The following HIVEP1 variants were observed in gnomAD, a reference collection of about 807,000 sequenced individuals.
HIVEP1 encodes HIVEP zinc finger 1.
HIVEP1 carries 36 observed loss-of-function variants against 180.0 expected under a neutral mutation model. That is an observed-to-expected ratio of 0.20 (90% CI 0.15 to 0.26). The LOEUF (loss-of-function observed/expected upper bound fraction) is 0.26. HIVEP1 is among the 10% of genes least tolerant of loss of function. HIVEP1 has a pLI of 1.00. For missense variants in HIVEP1, 3,143 were observed against 3,268.7 expected (o/e 0.96, Z 0.94); for synonymous variants, 1,239 against 1,239.0 (o/e 1.00, Z 0.00).
chr6:12,209,818 G>A, the HIVEP1 span, among the ~76,000 whole-genome samples: 3,884 of 152,240 alleles, frequency 0.026, 174 homozygotes, highest in African/African-American at 0.088. Flanking sequence ...ATATTCCTGT[G>A]TGGTTAAAAA....
chr6:12,160,933 C>T (rs552974807), intron 7 of HIVEP1, among the ~76,000 whole-genome samples: 1 of 152,184 alleles, frequency 6.6e-6, no homozygotes, highest in African/African-American at 2.4e-5. Context: ...TTTCTTTCCT[C>T]ATCTATAATA....
chr6:12,209,867 G>A, the HIVEP1 span, among the ~76,000 whole-genome samples: 1 of 152,210 alleles, frequency 6.6e-6, no homozygotes, highest in Admixed American at 6.5e-5. Flanking sequence ...TATTGTGGGA[G>A]TGAAGGAACT....
At chr6:12,154,896 TTGGCTAG>T (rs1759931470) in intron 7 of HIVEP1, among the ~76,000 whole-genome samples, 1 of 152,092 alleles carries the variant, frequency 6.6e-6, no homozygotes, top group Non-Finnish European at 1.5e-5. Context: ...TCTCTCTTTC[TTGGCTAG>T]TGTTACCAGA....
upstream of HIVEP1, among the ~76,000 whole-genome samples, chr6:12,009,430 G>A (rs2113531960): frequency 6.6e-6 from 1 of 152,362 alleles, no homozygotes; most frequent in East Asian, 1.9e-4. Context: ...CGCGGACGGT[G>A]GGGATGGAAC....
At chr6:12,175,530 A>G in the HIVEP1 span, among the ~76,000 whole-genome samples, 5 of 152,268 alleles carry the variant, frequency 3.3e-5, no homozygotes, top group Admixed American at 3.3e-4. Flanking sequence ...CATTCATTCA[A>G]CAAATACTTA....
chr6:12,192,032 G>C, the HIVEP1 span, among the ~76,000 whole-genome samples: 1 of 152,154 alleles, frequency 6.6e-6, no homozygotes, highest in Non-Finnish European at 1.5e-5. Flanking sequence ...CTAGACAATT[G>C]CTAACTATGC....
chr6:12,099,314 C>T (rs1773967654), intron 3 of HIVEP1, among the ~76,000 whole-genome samples: 2 of 151,854 alleles, frequency 1.3e-5, no homozygotes, highest in African/African-American at 4.8e-5. Context: ...ACTACAGGCG[C>T]CCGCCACTAC....
At chr6:12,037,743 C>T (rs1769378236) in intron 2 of HIVEP1, 2 of 424,342 alleles carry the variant, frequency 4.7e-6, no homozygotes, top group Non-Finnish European at 8.4e-6. Context: ...CTCTTTTGCT[C>T]AGGCTGGAGT....
intron 2 of HIVEP1, chr6:12,037,760 G>A (rs775306008): frequency 5.6e-4 from 252 of 446,554 alleles, no homozygotes; most frequent in Non-Finnish European, 8.4e-4. Context: ...GAGTGCAGTG[G>A]TGTAGTTGTA....
chr6:12,132,465 T>C (rs1465395720), intron 6 of HIVEP1, among the ~76,000 whole-genome samples: 1 of 152,084 alleles, frequency 6.6e-6, no homozygotes, highest in East Asian at 1.9e-4. Flanking sequence ...AAAATATTTA[T>C]CAAGTAAGGG....
the HIVEP1 span, among the ~76,000 whole-genome samples, chr6:12,209,916 G>A: frequency 6.6e-6 from 1 of 152,148 alleles, no homozygotes; most frequent in African/African-American, 2.4e-5. Context: ...AGCTTGTAGG[G>A]AAACTTTGAT....
the HIVEP1 span, among the ~76,000 whole-genome samples, chr6:12,204,545 C>G: frequency 6.6e-6 from 1 of 152,156 alleles, no homozygotes; most frequent in Non-Finnish European, 1.5e-5. Context: ...GGTTTTTAAC[C>G]TCATTCTGTG....
intron 7 of HIVEP1, among the ~76,000 whole-genome samples, chr6:12,157,981 T>C (rs1398849999): frequency 6.6e-6 from 1 of 152,236 alleles, no homozygotes; most frequent in Non-Finnish European, 1.5e-5. Context: ...TTAATAGTTG[T>C]CAGCACTCAG....
intron 2 of HIVEP1, among the ~76,000 whole-genome samples, chr6:12,055,281 T>C (rs1241723661): frequency 1.3e-5 from 2 of 152,170 alleles, no homozygotes; most frequent in African/African-American, 2.4e-5. Context: ...GAGACCATCC[T>C]GGCCAACACG....
chr6:12,107,655 C>T (rs71551292), intron 3 of HIVEP1, among the ~76,000 whole-genome samples: 1 of 152,172 alleles, frequency 6.6e-6, no homozygotes, highest in Non-Finnish European at 1.5e-5. Context: ...AGCTGCAGAC[C>T]TTCGTGGTGA....
chr6:12,131,239 A>G (rs1314244756), intron 6 of HIVEP1, among the ~76,000 whole-genome samples: 1 of 151,964 alleles, frequency 6.6e-6, no homozygotes, highest in African/African-American at 2.4e-5. Flanking sequence ...GATGACTAAT[A>G]TACCTTTTCA....
rs202184932 is a variant in HIVEP1 at position 12,122,951 on chromosome 6, A to C, written c.3156A>C (p.Pro1052=). ...AGCAAAATGAAAGTGGAACATCTCC[A>C]AAAAGTTCTGAAGGCCTTCAGTTTC... The part of the protein sequence containing the change: ...ELQQNESGTS[P]KSSEGLQFQN... The change falls in exon 4 of 9, where the codon CCA becomes CCC. Residue 1052 remains proline (P), a synonymous_variant. Coordinates refer to ENST00000379388, the MANE Select transcript of HIVEP1 (RefSeq NM_002114.4). The C allele has an allele frequency of 1.9e-6, 3 of 1,613,808 alleles. No individual in the cohort carries two copies. Among genetic ancestry groups the C allele is most frequent in the Non-Finnish European group, 2.5e-6 (3 of 1,179,968 alleles).
chr6:12,159,726 A>C (rs1760286031), intron 7 of HIVEP1, among the ~76,000 whole-genome samples: 1 of 152,212 alleles, frequency 6.6e-6, no homozygotes, highest in East Asian at 1.9e-4. Flanking sequence ...ATTTTATTTC[A>C]TTACTTATTT....
intron 2 of HIVEP1, chr6:12,020,368 C>T (rs966895815): frequency 2.5e-5 from 12 of 470,964 alleles, no homozygotes; most frequent in Non-Finnish European, 4.0e-5. Flanking sequence ...TCCTGGGTTC[C>T]GTGGAGAAGG....
Sources: gnomAD v4.1 joint callset for allele counts (sites outside exome capture counted in the v4.1 genomes callset) on GRCh38, gnomAD v4.1.1 for gene constraint, MANE v1.5 for transcripts, NCBI Gene and HGNC (gene_info 2026-07-23, HGNC 2026-07-21) for gene names.